The following NRG3 variants were observed in gnomAD, a reference collection of about 807,000 sequenced individuals.
NRG3 encodes neuregulin 3.
Under a neutral mutation model 66.9 loss-of-function variants are expected in NRG3, and 31 were observed. That is an observed-to-expected ratio of 0.46 (90% CI 0.35 to 0.63). The LOEUF is 0.63. NRG3 is among the 20% of genes least tolerant of loss of function. The probability of loss-of-function intolerance (pLI) is 0.00; values close to 1 mark genes in which losing one functional copy is unlikely to be tolerated. For missense variants in NRG3, 910 were observed against 878.9 expected (o/e 1.04, Z -0.45); for synonymous variants, 393 against 359.4 (o/e 1.09, Z -1.06).
At chr10:82,583,575 C>T (rs117272983) in intron 2 of NRG3, among the ~76,000 whole-genome samples, 2,246 of 152,216 alleles carry the variant, frequency 0.015, 23 homozygotes, top group Non-Finnish European at 0.023. Flanking sequence ...TTAAACATTA[C>T]GCTTGTGATT....
Position 82,749,159 on chromosome 10 carries a change from C to A in NRG3, c.1027+10509C>A, listed in dbSNP as rs933147621. ...TGACAGTTGCAACTTCAGTTGCAGT[C>A]GGAGTAGGGAAGGCTTTGCTGCAAG... is the stretch of plus-strand genomic sequence containing the variant. On this transcript the variant is annotated intron_variant, in intron 3 of 8. Transcript: ENST00000372141. Among the ~76,000 whole-genome samples, 8 of 152,146 alleles carry A rather than the reference C, an allele frequency of 5.3e-5. No homozygotes were observed. The East Asian group carries it at 1.4e-3, about 26-fold the overall frequency.
At chr10:82,878,124 G>A (rs1026632074) in intron 4 of NRG3, among the ~76,000 whole-genome samples, 1 of 152,144 alleles carries the variant, frequency 6.6e-6, no homozygotes, top group African/African-American at 2.4e-5. Flanking sequence ...TTAGTAGCTG[G>A]AGAAAGGAAA....
At chr10:82,956,255 C>A (rs1317430456) in intron 5 of NRG3, among the ~76,000 whole-genome samples, 4 of 151,950 alleles carry the variant, frequency 2.6e-5, no homozygotes, top group Non-Finnish European at 5.9e-5. Context: ...TGTAAAGTTT[C>A]CACACTGACA....
intron 1 of NRG3, among the ~76,000 whole-genome samples, chr10:81,898,409 T>C (rs1345935251): frequency 6.6e-6 from 1 of 152,232 alleles, no homozygotes; most frequent in Non-Finnish European, 1.5e-5. Flanking sequence ...TGGAAATTCT[T>C]CAGCCTGAGG....
At chr10:82,476,088 T>A (rs983377425) in intron 2 of NRG3, among the ~76,000 whole-genome samples, 5 of 151,898 alleles carry the variant, frequency 3.3e-5, no homozygotes, top group African/African-American at 1.2e-4. Flanking sequence ...GAAAAGAAAT[T>A]CAACATCAAC....
rs74146161 is a variant in NRG3, at chr10:82,943,821, A to T, written c.1055-7648A>T. On this transcript the variant is annotated intron_variant, in intron 4 of 8. Coordinates refer to ENST00000372141, the MANE Select transcript of NRG3 (RefSeq NM_001010848.4). Reference sequence around the variant, plus strand: ...ATTAGCCATCACACAGGGGGGAAAAATTTTAAAATATAGAAAGATGAAAAA... The same window carrying T: ...ATTAGCCATCACACAGGGGGGAAAATTTTTAAAATATAGAAAGATGAAAAA... 7.6e-3 allele frequency among the ~76,000 whole-genome samples: 1,156 copies of T among 152,284 alleles called. 13 individuals carry two copies. Among genetic ancestry groups the T allele is most frequent in the African/African-American group, 0.026 (1,084 of 41,572 alleles).
chr10:82,902,883 A>C (rs983797600), intron 4 of NRG3, among the ~76,000 whole-genome samples: 3 of 152,084 alleles, frequency 2.0e-5, no homozygotes, highest in Non-Finnish European at 4.4e-5. Context: ...GCAATTTTTT[A>C]TAATATATTG....
chr10:82,166,223 T>A (rs181451499), intron 1 of NRG3, among the ~76,000 whole-genome samples: 1 of 152,108 alleles, frequency 6.6e-6, no homozygotes, highest in Admixed American at 6.5e-5. Flanking sequence ...GGTTTCTCCA[T>A]GTTGAGGCTG....
At chr10:82,600,390 A>G (rs1361849038) in intron 2 of NRG3, among the ~76,000 whole-genome samples, 1 of 152,228 alleles carries the variant, frequency 6.6e-6, no homozygotes, top group East Asian at 1.9e-4. Flanking sequence ...GTTTTAATAT[A>G]CTATTATAGT....
chr10:82,939,745 G>T (rs1269818321), intron 4 of NRG3, among the ~76,000 whole-genome samples: 2 of 152,008 alleles, frequency 1.3e-5, no homozygotes, highest in African/African-American at 4.8e-5. Flanking sequence ...CTGAGATTAC[G>T]GGTGTGAGCC....
chr10:82,829,759 C>CTT (rs1308088902), intron 3 of NRG3, among the ~76,000 whole-genome samples: 4 of 152,074 alleles, frequency 2.6e-5, no homozygotes, highest in African/African-American at 9.7e-5. Context: ...GTGATTACAA[C>CTT]TAACAGAGAC....
chr10:82,773,572 A>G (rs778153365), intron 3 of NRG3, among the ~76,000 whole-genome samples: 4 of 152,138 alleles, frequency 2.6e-5, no homozygotes, highest in Non-Finnish European at 5.9e-5. Flanking sequence ...TTTGCTGTGT[A>G]GAAGATTTTT....
intron 1 of NRG3, among the ~76,000 whole-genome samples, chr10:81,960,195 A>G (rs1589602983): frequency 2.0e-5 from 3 of 152,208 alleles, no homozygotes; most frequent in East Asian, 3.9e-4. Flanking sequence ...AACTCAAATG[A>G]ATATAGTTTT....
intron 3 of NRG3, among the ~76,000 whole-genome samples, chr10:82,768,207 T>TCTTTCTTTCACTTTCTTTCA (rs2059588697): frequency 6.6e-6 from 1 of 152,136 alleles, no homozygotes; most frequent in African/African-American, 2.4e-5. Context: ...CAGTTCCATG[T>TCTTTCTTTCACTTTCTTTCA]CTTTCTTTCA....
At chr10:82,435,966 C>T (rs1342481645) in intron 2 of NRG3, among the ~76,000 whole-genome samples, 3 of 151,608 alleles carry the variant, frequency 2.0e-5, no homozygotes, top group Admixed American at 6.6e-5. Context: ...ATTATGTGGT[C>T]GATTTTAGAA....
At chr10:81,968,284 C>T (rs935829339) in intron 1 of NRG3, among the ~76,000 whole-genome samples, 3 of 152,286 alleles carry the variant, frequency 2.0e-5, no homozygotes, top group South Asian at 4.1e-4. Flanking sequence ...CCTCTTTAGA[C>T]TCTATTCTCC....
chr10:82,476,081 A>G (rs929086450), intron 2 of NRG3, among the ~76,000 whole-genome samples: 1 of 152,200 alleles, frequency 6.6e-6, no homozygotes, highest in Non-Finnish European at 1.5e-5. Flanking sequence ...AGCACATGAA[A>G]AGAAATTCAA....
chr10:82,929,599 A>C (rs1193270688), intron 4 of NRG3, among the ~76,000 whole-genome samples: 1 of 152,116 alleles, frequency 6.6e-6, no homozygotes, highest in Admixed American at 6.5e-5. Flanking sequence ...ATTTGATTCC[A>C]ACAGAAATGT....
At chr10:82,166,262 G>A (rs948211284) in intron 1 of NRG3, among the ~76,000 whole-genome samples, 7 of 151,962 alleles carry the variant, frequency 4.6e-5, no homozygotes, top group Non-Finnish European at 1.0e-4. Flanking sequence ...CAGGTGATCC[G>A]CCCGCCTTGG....
Sources: allele counts gnomAD v4.1 joint callset (sites outside exome capture counted in the v4.1 genomes callset), GRCh38; gene constraint gnomAD v4.1.1; transcripts MANE v1.5; gene names NCBI Gene and HGNC (gene_info 2026-07-23, HGNC 2026-07-21).